TENM3: variants seen among roughly 807,000 people sequenced by gnomAD.
TENM3 encodes the protein teneurin-3.
A neutral mutation model predicts 255.1 loss-of-function variants in TENM3; 63 were observed. The ratio of observed to expected loss-of-function variants is 0.25; its 90% confidence interval spans 0.20 to 0.30. TENM3 has a LOEUF of 0.30. Among genes scored for constraint, TENM3 ranks in the 10% least tolerant of loss-of-function variants. The pLI, the probability that TENM3 is intolerant of heterozygous loss-of-function variation, is 1.00. For missense variants in TENM3, 2,929 were observed against 3,461.1 expected, an observed-to-expected ratio of 0.85 and a Z score of 3.86; for synonymous variants, 1,306 against 1,322.3, an observed-to-expected ratio of 0.99 and a Z score of 0.27.
chr4:181,888,532 ATG>A, the TENM3 span, among the ~76,000 whole-genome samples: 4,299 of 78,714 alleles, frequency 0.055, 617 homozygotes, highest in African/African-American at 0.19. Context: ...ATATACATAT[ATG>A]TGTATATATA....
intron 3 of TENM3, among the ~76,000 whole-genome samples, chr4:182,419,712 C>A (rs1250150756): frequency 6.6e-6 from 1 of 152,072 alleles, no homozygotes; most frequent in Non-Finnish European, 1.5e-5. Context: ...GAGTTCTTGT[C>A]CTTTGTAAGG....
intron 3 of TENM3, among the ~76,000 whole-genome samples, chr4:182,586,347 G>C (rs1162661128): frequency 6.6e-6 from 1 of 152,096 alleles, no homozygotes; most frequent in African/African-American, 2.4e-5. Flanking sequence ...CCATTCACGG[G>C]GCATTGTCAT....
At chr4:182,219,255 C>T (rs954491594) in intron 1 of TENM3, among the ~76,000 whole-genome samples, 2 of 151,776 alleles carry the variant, frequency 1.3e-5, no homozygotes, top group African/African-American at 4.8e-5. Flanking sequence ...ACAATAAAAA[C>T]CATAATATAT....
the TENM3 span, among the ~76,000 whole-genome samples, chr4:181,611,038 G>T: frequency 6.6e-6 from 1 of 152,196 alleles, no homozygotes; most frequent in African/African-American, 2.4e-5. Flanking sequence ...GGTTTCACAA[G>T]TCAGAGAGTT....
chr4:182,436,200 G>A (rs755169541), intron 3 of TENM3, among the ~76,000 whole-genome samples: 2 of 152,148 alleles, frequency 1.3e-5, no homozygotes, highest in Non-Finnish European at 2.9e-5. Context: ...AGTATGGGGA[G>A]TCATGTTAAC....
chr4:182,616,381 G>T (rs984018578), intron 4 of TENM3, among the ~76,000 whole-genome samples: 2 of 147,952 alleles, frequency 1.4e-5, no homozygotes, highest in Admixed American at 1.4e-4. Flanking sequence ...GTGGGGTGGG[G>T]GGAGTGGGGA....
At chr4:181,835,971 T>G in the TENM3 span, among the ~76,000 whole-genome samples, 1 of 152,142 alleles carries the variant, frequency 6.6e-6, no homozygotes, top group Admixed American at 6.5e-5. Context: ...TAACTACGTT[T>G]GCCTGTCTCC....
chr4:182,025,020 AT>A, the TENM3 span, among the ~76,000 whole-genome samples: 25 of 121,108 alleles, frequency 2.1e-4, no homozygotes, highest in African/African-American at 8.1e-4. Context: ...ACAGGATTTC[AT>A]TTTTTTTTTT....
At chr4:182,696,723 C>T (rs1460126940) in intron 12 of TENM3, among the ~76,000 whole-genome samples, 1 of 134,842 alleles carries the variant, frequency 7.4e-6, no homozygotes, top group African/African-American at 2.7e-5. Context: ...GACTTCATCT[C>T]AAAAAAAAAA....
intron 13 of TENM3, among the ~76,000 whole-genome samples, chr4:182,720,753 A>G (rs971504062): frequency 9.4e-5 from 14 of 148,734 alleles, no homozygotes; most frequent in Non-Finnish European, 1.5e-4. Context: ...GGTTGGTACT[A>G]AAAGTCTCCC....
the TENM3 span, among the ~76,000 whole-genome samples, chr4:182,074,054 A>C: frequency 6.6e-6 from 1 of 152,210 alleles, no homozygotes; most frequent in African/African-American, 2.4e-5. Flanking sequence ...CATTTTAACC[A>C]ATAATATAAA....
the TENM3 span, among the ~76,000 whole-genome samples, chr4:181,463,365 A>C: frequency 6.6e-6 from 1 of 152,026 alleles, no homozygotes; most frequent in East Asian, 1.9e-4. Flanking sequence ...CATTCTCTCT[A>C]TTTTATCATA....
At chr4:182,517,513 A>G (rs370158513) in intron 3 of TENM3, among the ~76,000 whole-genome samples, 15 of 145,546 alleles carry the variant, frequency 1.0e-4, no homozygotes, top group African/African-American at 3.8e-4. Flanking sequence ...CCTCCCGAGT[A>G]GCTGGGACTA....
upstream of TENM3, among the ~76,000 whole-genome samples, chr4:182,241,855 C>G (rs1173254533): frequency 6.6e-6 from 1 of 151,930 alleles, no homozygotes; most frequent in Non-Finnish European, 1.5e-5. Context: ...CAAGGCTTGA[C>G]CGTTCTTTTA....
the TENM3 span, among the ~76,000 whole-genome samples, chr4:181,926,880 G>T: frequency 1.3e-5 from 2 of 151,716 alleles, no homozygotes; most frequent in African/African-American, 4.8e-5. Flanking sequence ...AGCAGGGTGG[G>T]GCATCACCTC....
At chr4:181,952,152 T>G in the TENM3 span, among the ~76,000 whole-genome samples, 3 of 152,250 alleles carry the variant, frequency 2.0e-5, no homozygotes, top group Admixed American at 1.3e-4. Flanking sequence ...GTGGAAATAC[T>G]TTTACATTGT....
At chr4:182,188,684 A>G (rs1261881279) in intron 1 of TENM3, among the ~76,000 whole-genome samples, 1 of 152,236 alleles carries the variant, frequency 6.6e-6, no homozygotes, top group African/African-American at 2.4e-5. Context: ...ATTTGACAGT[A>G]TCACATGGTC....
intron 20 of TENM3, among the ~76,000 whole-genome samples, chr4:182,752,851 T>C (rs1331533400): frequency 6.6e-6 from 1 of 152,196 alleles, no homozygotes; most frequent in Non-Finnish European, 1.5e-5. Context: ...TATATAATCA[T>C]TGTAATTTAT....
the TENM3 span, among the ~76,000 whole-genome samples, chr4:182,138,324 T>C: frequency 2.0e-5 from 3 of 152,230 alleles, no homozygotes; most frequent in Non-Finnish European, 4.4e-5. Context: ...TCCAAAGTGA[T>C]GATGAATTTG....
Sources: allele counts gnomAD v4.1 joint callset (sites outside exome capture counted in the v4.1 genomes callset), GRCh38; gene constraint gnomAD v4.1.1; transcripts MANE v1.5; gene names NCBI Gene and HGNC (gene_info 2026-07-23, HGNC 2026-07-21).